Variants in TMTC1 observed in about 807,000 individuals in gnomAD.
TMTC1 encodes protein O-mannosyl-transferase TMTC1.
A neutral mutation model predicts 104.8 loss-of-function variants in TMTC1; 73 were observed. That is an observed-to-expected ratio of 0.70 (90% CI 0.58 to 0.85). The LOEUF (loss-of-function observed/expected upper bound fraction) is 0.85. TMTC1 is among the 40% of genes least tolerant of loss of function. TMTC1 has a pLI of 0.00. For synonymous variants in TMTC1, 434 were observed against 428.7 expected (o/e 1.01, Z -0.15); for missense variants, 1,035 against 1,096.1 (o/e 0.94, Z 0.79).
At chr12:29,718,170 A>T (rs940059761) in intron 5 of TMTC1, among the ~76,000 whole-genome samples, 3 of 152,208 alleles carry the variant, frequency 2.0e-5, no homozygotes, top group African/African-American at 7.2e-5. Flanking sequence ...TAAGTGCTTC[A>T]AGGTACTGGA....
chr12:29,536,057 T>G (rs1436172645), intron 11 of TMTC1, 152 bp downstream of exon 11: 2 of 623,524 alleles, frequency 3.2e-6, no homozygotes, highest in East Asian at 2.8e-5. Context: ...GTGAGAAAAT[T>G]AGGCTTGTAA....
intron 10 of TMTC1, among the ~76,000 whole-genome samples, chr12:29,548,183 G>A (rs112076681): frequency 1.5e-3 from 234 of 152,344 alleles, no homozygotes; most frequent in African/African-American, 5.2e-3. Context: ...GAGAGAGCCT[G>A]TGGTAATAGA....
chr12:29,664,168 C>T (rs1365155547), intron 5 of TMTC1, among the ~76,000 whole-genome samples: 3 of 148,240 alleles, frequency 2.0e-5, no homozygotes, highest in African/African-American at 7.5e-5. Context: ...GCCTGGGCGA[C>T]AGAGCGAGAC....
At chr12:29,551,511 T>G (rs11050279) in intron 10 of TMTC1, among the ~76,000 whole-genome samples, 4,563 of 152,310 alleles carry the variant, frequency 0.03, 210 homozygotes, top group African/African-American at 0.1. Flanking sequence ...GTTTTGATTA[T>G]AAGATTTATT....
chr12:29,537,569 C>T (rs1461975991), intron 10 of TMTC1, among the ~76,000 whole-genome samples: 1 of 152,158 alleles, frequency 6.6e-6, no homozygotes, highest in Non-Finnish European at 1.5e-5. Flanking sequence ...CCTGTTTCAG[C>T]AACATCACCT....
chr12:29,516,891 T>C (rs576641705), intron 14 of TMTC1, among the ~76,000 whole-genome samples: 1 of 152,334 alleles, frequency 6.6e-6, no homozygotes, highest in East Asian at 1.9e-4. Flanking sequence ...AAAAATTTTG[T>C]TGGTATGAAT....
chr12:29,551,553 TG>T (rs1945103859), intron 10 of TMTC1, among the ~76,000 whole-genome samples: 1 of 152,214 alleles, frequency 6.6e-6, no homozygotes, highest in Admixed American at 6.5e-5. Flanking sequence ...TATTCTATTA[TG>T]TGAACAAAAG....
At chr12:29,729,117 T>C (rs1942482282) in intron 5 of TMTC1, among the ~76,000 whole-genome samples, 1 of 151,756 alleles carries the variant, frequency 6.6e-6, no homozygotes, top group African/African-American at 2.4e-5. Context: ...ACTTCCCAAC[T>C]GTGTGACCTA....
At chr12:29,571,827 G>A (rs528182514) in intron 9 of TMTC1, among the ~76,000 whole-genome samples, 37 of 152,266 alleles carry the variant, frequency 2.4e-4, no homozygotes, top group South Asian at 2.1e-3. Context: ...TTGTTTGCAC[G>A]TATATATTGA....
At chr12:29,536,935 A>C (rs768681812) in intron 10 of TMTC1, among the ~76,000 whole-genome samples, 2 of 152,128 alleles carry the variant, frequency 1.3e-5, no homozygotes, top group Non-Finnish European at 2.9e-5. Context: ...TGTCTTCTTC[A>C]TTTGGTTCTT....
intron 8 of TMTC1, among the ~76,000 whole-genome samples, chr12:29,580,310 CT>C (rs552599183): frequency 6.6e-6 from 1 of 152,136 alleles, no homozygotes; most frequent in Non-Finnish European, 1.5e-5. Context: ...CAGAGTGAGA[CT>C]TTGTCTCAAA....
intron 10 of TMTC1, among the ~76,000 whole-genome samples, chr12:29,542,267 C>T (rs1330047478): frequency 2.6e-5 from 4 of 152,098 alleles, no homozygotes; most frequent in Non-Finnish European, 5.9e-5. Flanking sequence ...TCATGTGATA[C>T]TAAAGACACC....
intron 5 of TMTC1, among the ~76,000 whole-genome samples, chr12:29,639,965 C>T (rs1179806361): frequency 6.6e-6 from 1 of 152,174 alleles, no homozygotes; most frequent in Non-Finnish European, 1.5e-5. Flanking sequence ...AAGCCACAGG[C>T]AATCCCCCAG....
At chr12:29,630,236 G>A (rs1938227444) in intron 6 of TMTC1, among the ~76,000 whole-genome samples, 2 of 152,190 alleles carry the variant, frequency 1.3e-5, no homozygotes, top group Non-Finnish European at 1.5e-5. Flanking sequence ...AAGAAAACAG[G>A]TTTAATTGAC....
At chr12:29,726,661 A>G (rs761762923) in intron 5 of TMTC1, among the ~76,000 whole-genome samples, 2 of 152,144 alleles carry the variant, frequency 1.3e-5, no homozygotes, top group African/African-American at 4.8e-5. Context: ...AACACCTGAC[A>G]CTATTGCATC....
chr12:29,607,304 G>A (rs1237559118), intron 6 of TMTC1, among the ~76,000 whole-genome samples: 6 of 152,194 alleles, frequency 3.9e-5, no homozygotes, highest in East Asian at 1.9e-4. Flanking sequence ...ACTGGTGAAC[G>A]ACTTTTGCTT....
chr12:29,596,479 A>C (rs1946408184), intron 7 of TMTC1, among the ~76,000 whole-genome samples: 1 of 152,204 alleles, frequency 6.6e-6, no homozygotes, highest in Non-Finnish European at 1.5e-5. Context: ...CACTCCTGCT[A>C]TGAAAAGAGA....
At chr12:29,727,665 C>T (rs760337341) in intron 5 of TMTC1, among the ~76,000 whole-genome samples, 3 of 152,118 alleles carry the variant, frequency 2.0e-5, no homozygotes, top group Non-Finnish European at 2.9e-5. Flanking sequence ...CGTGAGCCAC[C>T]GTGCCTGGCC....
At chr12:29,590,557 C>A (rs188840507) in intron 7 of TMTC1, among the ~76,000 whole-genome samples, 1 of 152,148 alleles carries the variant, frequency 6.6e-6, no homozygotes, top group African/African-American at 2.4e-5. Flanking sequence ...GAGGCCAAGG[C>A]GGGCAGATCA....
Sources: allele counts gnomAD v4.1 joint callset (sites outside exome capture counted in the v4.1 genomes callset), GRCh38; gene constraint gnomAD v4.1.1; transcripts MANE v1.5; gene names NCBI Gene and HGNC (gene_info 2026-07-23, HGNC 2026-07-21).